The following SETD7 variants were observed in gnomAD, a reference collection of about 807,000 sequenced individuals.
SETD7 encodes SET domain containing 7, histone lysine methyltransferase, also known as histone-lysine N-methyltransferase SETD7.
A neutral mutation model predicts 41.8 loss-of-function variants in SETD7; 16 were observed. The ratio of observed to expected loss-of-function variants is 0.38; its 90% CI spans 0.26 to 0.58. The LOEUF (loss-of-function observed/expected upper bound fraction) is 0.58. Among genes scored for constraint, SETD7 ranks in the 20% least tolerant of loss-of-function variants. SETD7 has a pLI of 0.64. For missense variants in SETD7, 346 were observed against 459.7 expected, an observed-to-expected ratio of 0.75 and a Z score of 2.26; for synonymous variants, 163 against 169.7, an observed-to-expected ratio of 0.96 and a Z score of 0.31.
chr4:139,518,448 A>C (rs1027636864), intron 6 of SETD7, among the ~76,000 whole-genome samples: 2 of 152,194 alleles, frequency 1.3e-5, no homozygotes, highest in African/African-American at 2.4e-5. Context: ...AGGTTTGAGC[A>C]CTACAAAATG....
intron 2 of SETD7, chr4:139,546,318 C>A (rs1727944176): frequency 1.0e-5 from 2 of 197,826 alleles, no homozygotes; most frequent in Admixed American, 1.1e-4. Flanking sequence ...ACTGGGACTG[C>A]AATGATGTGG....
At chr4:139,542,413 A>G (rs1449238267) in intron 2 of SETD7, among the ~76,000 whole-genome samples, 1 of 152,246 alleles carries the variant, frequency 6.6e-6, no homozygotes, top group African/African-American at 2.4e-5. Context: ...TTCTCACCAG[A>G]AAGAAATGAT....
chr4:139,544,485 A>G (rs1727879182), intron 2 of SETD7, among the ~76,000 whole-genome samples: 1 of 152,062 alleles, frequency 6.6e-6, no homozygotes, highest in African/African-American at 2.4e-5. Context: ...CATTTGTCTG[A>G]CACACTGGGG....
intron 6 of SETD7, 93 bp from the exon 7 acceptor site, chr4:139,518,135 T>C: frequency 6.6e-6 from 9 of 1,363,326 alleles, no homozygotes; most frequent in Non-Finnish European, 8.7e-6. Flanking sequence ...CTTATTATTA[T>C]TTTTGTTTTT....
intron 3 of SETD7, among the ~76,000 whole-genome samples, chr4:139,532,285 A>G (rs1314847840): frequency 1.3e-5 from 2 of 152,006 alleles, no homozygotes; most frequent in Non-Finnish European, 2.9e-5. Context: ...GAAAACACAA[A>G]AATATTAGCC....
At chr4:139,534,923 G>C (rs1419890879) in intron 2 of SETD7, among the ~76,000 whole-genome samples, 1 of 152,136 alleles carries the variant, frequency 6.6e-6, no homozygotes, top group Non-Finnish European at 1.5e-5. Flanking sequence ...GATAGCTTCT[G>C]GTTAAAAGGT....
chr4:139,522,722 G>A (rs1254356935), intron 5 of SETD7, among the ~76,000 whole-genome samples: 2 of 148,878 alleles, frequency 1.3e-5, no homozygotes. Flanking sequence ...GACACAGCTG[G>A]CTGCCTGGCC....
rs1355878677 is a variant in SETD7 at position 139,509,491 on chromosome 4, C to G, written c.*2172G>C. 6.3e-6 allele frequency: 1 copy of G among 157,542 alleles called. No homozygotes were observed. Among genetic ancestry groups the G allele is most frequent in the Non-Finnish European group, 1.4e-5 (1 of 73,056 alleles). The allele number at this position is 157,542 out of a possible 1,614,324, so 9.8% of individuals were successfully genotyped here. A position where few individuals can be genotyped will look rare whatever the true frequency, so the allele number is the denominator to read the frequency against. ...CCCCCACTTAGGACGTAAATTGTAC[C>G]CCACTGCAGCCAGGACCAGAATGCT... On this transcript the variant is annotated 3_prime_UTR_variant, in exon 8 of 8. Coordinates refer to ENST00000274031, the MANE Select transcript of SETD7 (RefSeq NM_030648.4).
intron 2 of SETD7, among the ~76,000 whole-genome samples, chr4:139,545,874 A>T (rs1486479919): frequency 6.6e-6 from 1 of 152,188 alleles, no homozygotes; most frequent in African/African-American, 2.4e-5. Flanking sequence ...TGGTGAAGTC[A>T]GTTTCCATTT....
At chr4:139,523,660 T>G (rs1397182573) in intron 4 of SETD7, among the ~76,000 whole-genome samples, 3 of 152,216 alleles carry the variant, frequency 2.0e-5, no homozygotes, top group Non-Finnish European at 4.4e-5. Flanking sequence ...CTCTTAACAT[T>G]CCAATTCACT....
chr4:139,517,907 T>A lies in SETD7; in HGVS notation c.898A>T (p.Thr300Ser), dbSNP rs757407366. The part of the protein sequence containing the change: ...SLGHKANHSF[T>S]PNCIYDMFVH... ...TACATATCGTAGATGCAGTTTGGAGTGAAGGAGTGATTTGCCTTGTGTCCC... is the reference window on the plus strand; with the variant it reads ...TACATATCGTAGATGCAGTTTGGAGAGAAGGAGTGATTTGCCTTGTGTCCC... Residue 300 changes from threonine (T) to serine (S), a missense_variant, in exon 7 of 8, where the codon ACT (threonine) becomes TCT (serine). Thr to Ser is a moderately conservative substitution (Grantham distance 58). This residue lies in a region of SETD7 where 266 missense variants were observed against 377.0 expected (regional missense o/e 0.71). Coordinates refer to ENST00000274031, the MANE Select transcript of SETD7 (RefSeq NM_030648.4). 8.8e-5 allele frequency: 142 copies of A among 1,613,106 alleles called. 3 individuals are homozygous for A. The South Asian group carries it at 1.5e-3, about 17-fold the overall frequency.
At chr4:139,542,436 T>C (rs1727805764) in intron 2 of SETD7, among the ~76,000 whole-genome samples, 1 of 152,206 alleles carries the variant, frequency 6.6e-6, no homozygotes. Context: ...ATCTTTGAGG[T>C]GATGGATATG....
chr4:139,498,352 G>T (rs1726505878), intron 7 of SETD7, among the ~76,000 whole-genome samples: 1 of 152,044 alleles, frequency 6.6e-6, no homozygotes, highest in Non-Finnish European at 1.5e-5. Context: ...CATTACCCCA[G>T]GGTCAGGTAC....
At chr4:139,549,405 T>C (rs756599495) in intron 1 of SETD7, among the ~76,000 whole-genome samples, 5 of 152,206 alleles carry the variant, frequency 3.3e-5, no homozygotes, top group Non-Finnish European at 5.9e-5. Flanking sequence ...AATTTAGATA[T>C]TAGGGAAAGT....
chr4:139,548,514 C>A lies in SETD7; in HGVS notation c.41-1465G>T, dbSNP rs1728023545. Among the ~76,000 whole-genome samples, 4 of 152,106 alleles carry A rather than the reference C, an allele frequency of 2.6e-5. No individual in the cohort carries two copies. The South Asian group carries it at 8.3e-4, about 32-fold the overall frequency. On this transcript the variant is annotated intron_variant, in intron 1 of 7. Coordinates refer to ENST00000274031, the MANE Select transcript of SETD7 (RefSeq NM_030648.4). ...AGGCATGGTGGCGGACGTCTGTAATCCCAGCTACTCAGGAGGCTGAGGCAG... is the reference window on the plus strand; with the variant it reads ...AGGCATGGTGGCGGACGTCTGTAATACCAGCTACTCAGGAGGCTGAGGCAG...
chr4:139,513,334 C>T (rs570399888), intron 7 of SETD7, among the ~76,000 whole-genome samples: 155 of 151,554 alleles, frequency 1.0e-3, no homozygotes, highest in South Asian at 2.3e-3. Flanking sequence ...GCACGAGAAT[C>T]GCTTGGACCC....
intron 1 of SETD7, among the ~76,000 whole-genome samples, chr4:139,548,796 C>A (rs761694209): frequency 2.0e-5 from 3 of 152,092 alleles, no homozygotes; most frequent in Non-Finnish European, 2.9e-5. Flanking sequence ...TTAAATAAAT[C>A]ATAATCAATA....
At chr4:139,496,469 G>C in exon 8 of SETD7, 2 of 702,416 alleles carry the variant, frequency 2.8e-6, no homozygotes, top group Non-Finnish European at 5.2e-6. Flanking sequence ...ATCTTTGGGA[G>C]TGGAGCCCCA....
intron 1 of SETD7, among the ~76,000 whole-genome samples, chr4:139,552,248 G>A (rs1265300424): frequency 2.6e-5 from 4 of 152,188 alleles, no homozygotes; most frequent in African/African-American, 9.7e-5. Flanking sequence ...ATATTAGGGG[G>A]AGTGTTAATA....
Sources: allele counts gnomAD v4.1 joint callset (sites outside exome capture counted in the v4.1 genomes callset), GRCh38; gene constraint gnomAD v4.1.1; regional missense constraint gnomAD v4.1.1; transcripts MANE v1.5; gene names NCBI Gene and HGNC (gene_info 2026-07-23, HGNC 2026-07-21).